The following ATRN variants were observed in gnomAD, a reference collection of about 807,000 sequenced individuals.
ATRN encodes the protein attractin-2.
In ATRN, 54 loss-of-function variants were observed where a neutral mutation model predicts 178.7. That is an observed-to-expected ratio of 0.30 (90% confidence interval 0.24 to 0.38). The LOEUF (loss-of-function observed/expected upper bound fraction) is 0.38. ATRN is among the 10% of genes least tolerant of loss of function. The pLI, the probability that ATRN is intolerant of heterozygous loss-of-function variation, is 1.00. For missense variants in ATRN, 1,443 were observed against 1,815.1 expected (o/e 0.79, Z 3.73); for synonymous variants, 636 against 663.0 (o/e 0.96, Z 0.63).
At chr20:3,601,107 C>T in intron 23 of ATRN, 83 bp downstream of exon 23, 1 of 1,314,964 alleles carries the variant, frequency 7.6e-7, no homozygotes. Flanking sequence ...AAAGCGAGCT[C>T]AGGAGACAGA....
chr20:3,570,047 A>G (rs151341), intron 11 of ATRN, among the ~76,000 whole-genome samples: 113,844 of 151,128 alleles, frequency 0.75, 43,310 homozygotes, highest in East Asian at 1. Flanking sequence ...CTCCAGTCTG[A>G]GTAATGGAGC....
intron 24 of ATRN, among the ~76,000 whole-genome samples, chr20:3,604,599 T>G (rs1040183718): frequency 4.6e-5 from 7 of 152,164 alleles, no homozygotes; most frequent in Non-Finnish European, 1.0e-4. Flanking sequence ...TAGAGTAAGG[T>G]GGATGTAAGT....
chr20:3,564,523 A>G (rs2086003383), intron 10 of ATRN, among the ~76,000 whole-genome samples: 2 of 152,334 alleles, frequency 1.3e-5, no homozygotes, highest in South Asian at 4.1e-4. Flanking sequence ...ACCAGTTGGT[A>G]TTAGATCCAG....
Position 3,576,976 on chromosome 20 carries a change from C to T in ATRN, c.2332C>T (p.Gln778Ter). Reference protein sequence around the residue: ...DQNCQWEPRNQECIALPENIC... With the variant: ...DQNCQWEPRN ...GAACTGCCAGTGGGAGCCCCGGAAT[C>T]AGGAGTGCATTGCCCTGCCCGGTAG... Residue 778 changes from glutamine (Q) to a stop codon, truncating the protein, a stop_gained, in exon 14 of 29, where the codon CAG (glutamine) becomes TAG (stop). Coordinates refer to ENST00000262919, the MANE Select transcript of ATRN (RefSeq NM_139321.3). LOFTEE classifies it high-confidence loss of function. 1 of 1,614,064 alleles carries T rather than the reference C, an allele frequency of 6.2e-7. No individual in the cohort carries two copies. The highest frequency in any genetic ancestry group is 8.5e-7 in the Non-Finnish European group (1 of 1,179,992).
intron 1 of ATRN, among the ~76,000 whole-genome samples, chr20:3,481,105 A>AT (rs2084614077): frequency 6.6e-6 from 1 of 151,804 alleles, no homozygotes; most frequent in South Asian, 2.1e-4. Context: ...CTCATCTTTC[A>AT]TTTTTACTTT....
At chr20:3,542,676 G>A (rs1453818921) in intron 3 of ATRN, among the ~76,000 whole-genome samples, 1 of 148,614 alleles carries the variant, frequency 6.7e-6, no homozygotes, top group African/African-American at 2.5e-5. Flanking sequence ...CCCCAGGCTG[G>A]AGTGCAGAGG....
chr20:3,489,945 A>G (rs2084762454), intron 1 of ATRN: 4 of 1,100,738 alleles, frequency 3.6e-6, no homozygotes, highest in Non-Finnish European at 5.6e-6. Flanking sequence ...ACTCTTACTG[A>G]TCTGCTCTTC....
chr20:3,513,455 T>C (rs2085164166), intron 1 of ATRN, among the ~76,000 whole-genome samples: 1 of 152,200 alleles, frequency 6.6e-6, no homozygotes, highest in Non-Finnish European at 1.5e-5. Flanking sequence ...TCTGTTCTGT[T>C]CCGTTGGTCT....
chr20:3,622,087 A>T (rs966150502), intron 24 of ATRN, among the ~76,000 whole-genome samples: 8 of 152,250 alleles, frequency 5.3e-5, no homozygotes, highest in African/African-American at 1.7e-4. Context: ...TATGAATTAA[A>T]TAGAGCAAGA....
chr20:3,598,842 C>T (rs1374926448), intron 22 of ATRN, among the ~76,000 whole-genome samples: 1 of 152,112 alleles, frequency 6.6e-6, no homozygotes, highest in Admixed American at 6.6e-5. Flanking sequence ...ATACACAAAG[C>T]CATTTACCAT....
chr20:3,507,280 G>T (rs1163896555), intron 1 of ATRN, among the ~76,000 whole-genome samples: 1 of 151,662 alleles, frequency 6.6e-6, no homozygotes, highest in Non-Finnish European at 1.5e-5. Flanking sequence ...CATGGTGGTG[G>T]GTGCCTGTAA....
intron 11 of ATRN, among the ~76,000 whole-genome samples, chr20:3,567,125 G>A (rs651208): frequency 0.68 from 103,971 of 151,948 alleles, 37,291 homozygotes; most frequent in East Asian, 1. Context: ...CTAATTTGAA[G>A]TGTTATTATA....
At chr20:3,591,381 A>G in intron 19 of ATRN, 75 bp downstream of exon 19, 1 of 1,508,814 alleles carries the variant, frequency 6.6e-7, no homozygotes, top group East Asian at 2.4e-5. Flanking sequence ...TTGAATATCT[A>G]GGAGGAAAAA....
chr20:3,549,621 A>C (rs1042785586), intron 6 of ATRN, among the ~76,000 whole-genome samples: 1 of 152,112 alleles, frequency 6.6e-6, no homozygotes, highest in African/African-American at 2.4e-5. Flanking sequence ...GTAGGGGATT[A>C]TTTTATCTTT....
At chr20:3,640,725 A>ACC (rs1368299453) in intron 27 of ATRN, among the ~76,000 whole-genome samples, 1 of 152,246 alleles carries the variant, frequency 6.6e-6, no homozygotes, top group South Asian at 2.1e-4. Context: ...CCCCAGAATT[A>ACC]AAAGTAGAAT....
At chr20:3,511,563 C>A (rs1463047689) in intron 1 of ATRN, among the ~76,000 whole-genome samples, 3 of 151,928 alleles carry the variant, frequency 2.0e-5, no homozygotes, top group African/African-American at 7.3e-5. Context: ...TGGAATAAAT[C>A]TGGTAGATTG....
chr20:3,478,294 C>A (rs2084558526), intron 1 of ATRN, among the ~76,000 whole-genome samples: 3 of 152,122 alleles, frequency 2.0e-5, no homozygotes, highest in Admixed American at 6.5e-5. Context: ...GACTTGGAAC[C>A]AACCACTGAT....
Position 3,582,416 on chromosome 20 carries a change from A to G in ATRN, c.2764+62A>G, listed in dbSNP as rs1600128620. The G allele has an allele frequency of 2.1e-6, 3 of 1,460,568 alleles. No homozygotes were observed. In the South Asian group the frequency reaches 3.4e-5, roughly 17 times the overall value. The allele number at this position is 1,460,568 out of a possible 1,614,324, so 90.5% of individuals were successfully genotyped here. A position where few individuals can be genotyped will look rare whatever the true frequency, so the allele number is the denominator to read the frequency against. On this transcript the variant is annotated intron_variant, in intron 16 of 28. Coordinates refer to ENST00000262919, the MANE Select transcript of ATRN (RefSeq NM_139321.3). ...TATTGTGAGAGAAACCATAGGAGGC[A>G]TAGTTCATTGCTGAGATGTGTGAAG...
At chr20:3,477,872 G>T (rs1421102857) in intron 1 of ATRN, among the ~76,000 whole-genome samples, 1 of 152,174 alleles carries the variant, frequency 6.6e-6, no homozygotes, top group East Asian at 1.9e-4. Flanking sequence ...GAACTTCTCT[G>T]TCATCCACTG....
Sources: gnomAD v4.1 joint callset for allele counts (sites outside exome capture counted in the v4.1 genomes callset) on GRCh38, gnomAD v4.1.1 for gene constraint, MANE v1.5 for transcripts, NCBI Gene and HGNC (gene_info 2026-07-23, HGNC 2026-07-21) for gene names.